The following WDR72 variants were observed in gnomAD, a reference collection of about 807,000 sequenced individuals.
WDR72 encodes the protein WD repeat-containing protein 72.
In WDR72, 120 loss-of-function variants were observed where a neutral mutation model predicts 124.2. The ratio of observed to expected loss-of-function variants is 0.97; its 90% CI spans 0.83 to 1.12. The LOEUF is 1.12. Ranked by LOEUF, WDR72 falls within the 50% of genes most tolerant of loss-of-function variation. The pLI, the probability that WDR72 is intolerant of heterozygous loss-of-function variation, is 0.00. For synonymous variants in WDR72, 452 were observed against 441.7 expected (o/e 1.02, Z -0.29); for missense variants, 1,387 against 1,278.8 (o/e 1.08, Z -1.29).
At chr15:53,611,735 C>T (rs1342944324) in intron 16 of WDR72, among the ~76,000 whole-genome samples, 1 of 144,184 alleles carries the variant, frequency 6.9e-6, no homozygotes, top group Non-Finnish European at 1.5e-5. Context: ...TTCCTTGAGT[C>T]CCATTTTTTT....
At chr15:53,683,717 G>A (rs12902855) in intron 13 of WDR72, among the ~76,000 whole-genome samples, 51,704 of 149,444 alleles carry the variant, frequency 0.35, 11,082 homozygotes, top group Middle Eastern at 0.59. Context: ...AACCACACAG[G>A]AGAGAGAGAA....
At chr15:53,552,181 C>T (rs1893759132) in intron 18 of WDR72, among the ~76,000 whole-genome samples, 2 of 151,600 alleles carry the variant, frequency 1.3e-5, no homozygotes, top group East Asian at 1.9e-4. Flanking sequence ...TGTATAAATA[C>T]TCAAAGACAC....
chr15:53,530,716 C>T (rs533388844), intron 18 of WDR72, among the ~76,000 whole-genome samples: 19 of 152,118 alleles, frequency 1.2e-4, no homozygotes, highest in South Asian at 6.2e-4. Flanking sequence ...GAGCATCATG[C>T]TAGCATTTGA....
In WDR72 at chr15:53,655,230, CAAAAAAAAAAA is replaced by C. The variant is rs531072099; in HGVS notation, c.1962+10331_1962+10341del. Among the ~76,000 whole-genome samples, 449 of 54,632 alleles carry C rather than the reference CAAAAAAAAAAA, an allele frequency of 8.2e-3. 5 individuals are homozygous for C. Among genetic ancestry groups the C allele is most frequent in the Non-Finnish European group, 0.013 (397 of 31,012 alleles). 35.8% of individuals were successfully genotyped at this position (54,632 alleles called of 152,430 possible). Reference sequence around the variant, plus strand: ...TGGGTGACAGAGCAAGATGCCATCTCAAAAAAAAAAAAAAAAAAAAAAAAAAAAAAGAGATC... The same window carrying C: ...TGGGTGACAGAGCAAGATGCCATCTCAAAAAAAAAAAAAAAAAAAGAGATC... On this transcript the variant is annotated intron_variant, in intron 14 of 19. Coordinates refer to ENST00000360509, the MANE Select transcript of WDR72 (RefSeq NM_182758.4).
chr15:53,683,477 C>T (rs1477505615), intron 13 of WDR72, among the ~76,000 whole-genome samples: 3 of 151,940 alleles, frequency 2.0e-5, no homozygotes, highest in Non-Finnish European at 2.9e-5. Context: ...CTTATGTATC[C>T]ATACAAAATT....
In WDR72 at chr15:53,714,491, T is replaced by C. The variant is rs766404527; in HGVS notation, c.534A>G (p.Val178=). ...MRIQEDSLLV[V]SVAGELKVWD... ...ATACTTTGAGCTCACCAGCTACTGA[T>C]ACCACCAAGAGAGAATCTTCTGTGA... Residue 178 remains valine, a synonymous_variant, in exon 6 of 20, where the codon GTA becomes GTG. Transcript: ENST00000360509. The C allele has an allele frequency of 4.1e-5, 66 of 1,613,580 alleles. No homozygotes were observed. Among genetic ancestry groups the C allele is most frequent in the Non-Finnish European group, 5.3e-5 (63 of 1,179,694 alleles).
intron 18 of WDR72, among the ~76,000 whole-genome samples, chr15:53,571,671 A>G (rs1182097561): frequency 2.0e-5 from 3 of 152,182 alleles, no homozygotes; most frequent in African/African-American, 7.2e-5. Context: ...ATGCTGCAAC[A>G]AACAGGGGAG....
intron 1 of WDR72, among the ~76,000 whole-genome samples, chr15:53,754,046 T>C (rs568205698): frequency 6.6e-6 from 1 of 152,294 alleles, no homozygotes; most frequent in East Asian, 1.9e-4. Flanking sequence ...CCAGTCCACC[T>C]ATTTCTTTAA....
chr15:53,517,628 A>G lies in WDR72; in HGVS notation c.*71T>C, dbSNP rs1891533625. 1 of 1,483,230 alleles carries G rather than the reference A, an allele frequency of 6.7e-7. No individual in the cohort carries two copies. Among genetic ancestry groups the G allele is most frequent in the South Asian group, 1.1e-5 (1 of 88,492 alleles). 91.9% of individuals were successfully genotyped at this position (1,483,230 alleles called of 1,614,324 possible). A position where few individuals can be genotyped will look rare whatever the true frequency, so the allele number is the denominator to read the frequency against. The stretch of plus-strand genomic sequence containing the variant: ...ACCAATAACAACAATGCTTTTATAC[A>G]GTAATAAACAAATGGCATCTTTTGG... On this transcript the variant is annotated 3_prime_UTR_variant, in exon 20 of 20. Coordinates refer to ENST00000360509, the MANE Select transcript of WDR72 (RefSeq NM_182758.4).
At chr15:53,729,112 A>T (rs1432532910) in intron 2 of WDR72, among the ~76,000 whole-genome samples, 1 of 151,896 alleles carries the variant, frequency 6.6e-6, no homozygotes, top group East Asian at 1.9e-4. Context: ...CAGCTCCCAA[A>T]CCCTAAATCT....
At chr15:53,612,245 A>T (rs545607458) in intron 16 of WDR72, among the ~76,000 whole-genome samples, 39 of 152,276 alleles carry the variant, frequency 2.6e-4, no homozygotes, top group African/African-American at 8.9e-4. Context: ...TGTTCTAGGA[A>T]CCAGGGACAC....
At chr15:53,547,795 T>C (rs1046359078) in intron 18 of WDR72, among the ~76,000 whole-genome samples, 5 of 152,134 alleles carry the variant, frequency 3.3e-5, no homozygotes, top group Non-Finnish European at 1.5e-5. Context: ...GTGGTAATGA[T>C]AGAGGAATTG....
intron 1 of WDR72, among the ~76,000 whole-genome samples, chr15:53,750,238 G>A (rs751932168): frequency 6.6e-6 from 1 of 152,100 alleles, no homozygotes; most frequent in Non-Finnish European, 1.5e-5. Flanking sequence ...TTAAGTTGAG[G>A]CCAATGCTCA....
At chr15:53,610,779 A>T (rs2013506676) in intron 16 of WDR72, among the ~76,000 whole-genome samples, 1 of 152,104 alleles carries the variant, frequency 6.6e-6, no homozygotes, top group Non-Finnish European at 1.5e-5. Context: ...GTATGGTAGA[A>T]GATTATAATT....
At chr15:53,656,319 C>A (rs766120045) in intron 14 of WDR72, among the ~76,000 whole-genome samples, 3 of 152,018 alleles carry the variant, frequency 2.0e-5, no homozygotes, top group Non-Finnish European at 4.4e-5. Context: ...CAGGGCATCA[C>A]TATTAAAACA....
At chr15:53,695,703 C>T (rs4774673) in intron 13 of WDR72, among the ~76,000 whole-genome samples, 89,520 of 151,930 alleles carry the variant, frequency 0.59, 27,175 homozygotes, top group East Asian at 0.83. Flanking sequence ...TGTCCACCTA[C>T]GACCCCAAAA....
intron 18 of WDR72, among the ~76,000 whole-genome samples, chr15:53,572,274 A>C (rs1894558108): frequency 6.6e-6 from 1 of 152,008 alleles, no homozygotes; most frequent in African/African-American, 2.4e-5. Flanking sequence ...GGGTTGTATT[A>C]ACAAACAAAC....
At chr15:53,648,868 T>C (rs1215197369) in intron 14 of WDR72, among the ~76,000 whole-genome samples, 2 of 135,472 alleles carry the variant, frequency 1.5e-5, no homozygotes, top group African/African-American at 3.9e-5. Context: ...ATCAAGCTTG[T>C]AGACTACCTT....
intron 19 of WDR72, among the ~76,000 whole-genome samples, chr15:53,520,602 C>A (rs1338576767): frequency 6.6e-6 from 1 of 151,966 alleles, no homozygotes; most frequent in East Asian, 1.9e-4. Context: ...ACCTAAAAAC[C>A]CCAAATTTGT....
Sources: gnomAD v4.1 joint callset for allele counts (sites outside exome capture counted in the v4.1 genomes callset) on GRCh38, gnomAD v4.1.1 for gene constraint, MANE v1.5 for transcripts, NCBI Gene and HGNC (gene_info 2026-07-23, HGNC 2026-07-21) for gene names.